NREP: variants seen among roughly 807,000 people sequenced by gnomAD.
NREP encodes the protein neuronal regeneration-related protein.
A neutral mutation model predicts 8.6 loss-of-function variants in NREP; 5 were observed. The ratio of observed to expected loss-of-function variants is 0.58; its 90% confidence interval spans 0.30 to 1.22. The LOEUF (loss-of-function observed/expected upper bound fraction) is 1.22. Among genes scored for constraint, NREP ranks in the 50% most tolerant of loss-of-function variants. The pLI is 0.07. For missense variants in NREP, 86 were observed against 82.5 expected (o/e 1.04, Z -0.17); for synonymous variants, 27 against 28.0 (o/e 0.96, Z 0.11).
chr5:111,937,175 T>A (rs1755707612), intron 2 of NREP, among the ~76,000 whole-genome samples: 1 of 152,094 alleles, frequency 6.6e-6, no homozygotes, highest in South Asian at 2.1e-4. Flanking sequence ...CAGTTAAACT[T>A]CAGTACATTC....
chr5:111,970,002 C>A (rs1177103788), intron 2 of NREP, among the ~76,000 whole-genome samples: 1 of 152,186 alleles, frequency 6.6e-6, no homozygotes, highest in Admixed American at 6.5e-5. Flanking sequence ...GGTACAAAAT[C>A]TAATAATAGA....
chr5:111,926,486 G>T (rs1285302893), intron 2 of NREP, among the ~76,000 whole-genome samples: 1 of 152,106 alleles, frequency 6.6e-6, no homozygotes, highest in Non-Finnish European at 1.5e-5. Flanking sequence ...CAGACCATTT[G>T]CCCTTCCATC....
At chr5:111,898,924 G>C (rs571774400) in intron 2 of NREP, among the ~76,000 whole-genome samples, 3 of 152,046 alleles carry the variant, frequency 2.0e-5, no homozygotes, top group East Asian at 1.9e-4. Flanking sequence ...GGCTGGGAGA[G>C]AATAAGGTGA....
At chr5:111,927,017 C>G (rs1465497251) in intron 2 of NREP, among the ~76,000 whole-genome samples, 1 of 151,964 alleles carries the variant, frequency 6.6e-6, no homozygotes, top group Non-Finnish European at 1.5e-5. Flanking sequence ...GCGTGTCTCC[C>G]CTATAGATGG....
intron 2 of NREP, among the ~76,000 whole-genome samples, chr5:111,900,502 T>C (rs1253269399): frequency 2.0e-5 from 3 of 151,830 alleles, no homozygotes; most frequent in Admixed American, 6.6e-5. Flanking sequence ...AAAGGATAAG[T>C]TGATAAACTG....
intron 2 of NREP, among the ~76,000 whole-genome samples, chr5:111,780,840 A>G (rs1469951755): frequency 6.6e-6 from 1 of 152,148 alleles, no homozygotes; most frequent in Non-Finnish European, 1.5e-5. Flanking sequence ...TCTTTTTCCA[A>G]TGTGAAGTTG....
intron 1 of NREP, among the ~76,000 whole-genome samples, chr5:111,976,395 G>C (rs572472936): frequency 8.5e-5 from 13 of 152,086 alleles, no homozygotes; most frequent in Non-Finnish European, 1.5e-4. Context: ...CTTCATCCCA[G>C]GTCTGTTACA....
chr5:111,835,262 T>A (rs1276274590), intron 2 of NREP, among the ~76,000 whole-genome samples: 1 of 152,148 alleles, frequency 6.6e-6, no homozygotes, highest in East Asian at 1.9e-4. Context: ...GCAGTAGCTA[T>A]AAAATAATTA....
chr5:111,741,824 TAC>T lies in NREP; in HGVS notation c.4-6319_4-6318del, dbSNP rs112980817. Among the ~76,000 whole-genome samples the T allele has an allele frequency of 8.5e-3, 623 of 73,446 alleles. 10 individuals are homozygous for T. Among genetic ancestry groups the T allele is most frequent in the South Asian group, 0.064 (155 of 2,410 alleles). The allele number at this position is 73,446 out of a possible 152,430, so 48.2% of individuals were successfully genotyped here. On this transcript the variant is annotated intron_variant, in intron 2 of 3. Coordinates refer to ENST00000257435, the MANE Select transcript of NREP (RefSeq NM_004772.4). ...CACTGACCTAATTTAAACACACACA[TAC>T]ACACACACACACACACACACACACA...
At chr5:111,885,055 T>A (rs1754203135) in intron 2 of NREP, among the ~76,000 whole-genome samples, 1 of 152,224 alleles carries the variant, frequency 6.6e-6, no homozygotes, top group South Asian at 2.1e-4. Context: ...GCAGATGACA[T>A]GATTGTATAC....
At chr5:111,937,676 A>G (rs1020347123) in intron 2 of NREP, among the ~76,000 whole-genome samples, 4 of 152,156 alleles carry the variant, frequency 2.6e-5, no homozygotes, top group Middle Eastern at 3.4e-3. Flanking sequence ...CAAAGGAAAA[A>G]TCTGCCCCAA....
chr5:111,832,666 C>T (rs1200297587), intron 2 of NREP, among the ~76,000 whole-genome samples: 1 of 152,114 alleles, frequency 6.6e-6, no homozygotes, highest in Non-Finnish European at 1.5e-5. Context: ...TGGTTCTGAC[C>T]CCAATACAGT....
intron 2 of NREP, among the ~76,000 whole-genome samples, chr5:111,850,553 C>T (rs1270928423): frequency 3.3e-5 from 5 of 151,972 alleles, no homozygotes; most frequent in Non-Finnish European, 5.9e-5. Context: ...CCTTGTCAGC[C>T]CCAAAATCTT....
At chr5:111,819,064 T>G (rs2112922361) in intron 2 of NREP, among the ~76,000 whole-genome samples, 1 of 152,316 alleles carries the variant, frequency 6.6e-6, no homozygotes, top group Non-Finnish European at 1.5e-5. Flanking sequence ...TATTCTTTGA[T>G]TCTCCATTTT....
At chr5:111,886,902 G>A (rs1382597926) in intron 2 of NREP, among the ~76,000 whole-genome samples, 1 of 151,686 alleles carries the variant, frequency 6.6e-6, no homozygotes, top group Admixed American at 6.6e-5. Flanking sequence ...CAGCACACCA[G>A]CATGGCACAT....
Position 111,755,798 on chromosome 5 carries a change from T to A in NREP, c.-26A>T, listed in dbSNP as rs750893811. 1.9e-6 allele frequency: 3 copies of A among 1,613,776 alleles called. No homozygotes were observed. In the African/African-American group the frequency reaches 4.0e-5, roughly 22 times the overall value. On this transcript the variant is annotated 5_prime_UTR_variant, in exon 2 of 4. Transcript: ENST00000257435. ...TTTGAGAATCTTAGTCTTGGGCTTC[T>A]ATTCTCCCTCTCTTCAGTCCAGGGA...
intron 2 of NREP, among the ~76,000 whole-genome samples, chr5:111,852,984 C>CA (rs1753345643): frequency 6.6e-6 from 1 of 152,110 alleles, no homozygotes; most frequent in Admixed American, 6.6e-5. Flanking sequence ...GAACTTCATA[C>CA]AAAGGGACAT....
At chr5:111,755,023 T>A (rs1408211190) in intron 2 of NREP, among the ~76,000 whole-genome samples, 9 of 150,884 alleles carry the variant, frequency 6.0e-5, no homozygotes, top group Non-Finnish European at 1.2e-4. Context: ...TTTCTATTAT[T>A]TTTTTTAGTT....
upstream of NREP, chr5:111,757,208 C>G (rs1480088642): frequency 1.1e-6 from 1 of 893,336 alleles, no homozygotes; most frequent in Non-Finnish European, 1.3e-6. Context: ...TGAAAAAGGG[C>G]AACATGCTAG....
Sources: allele counts gnomAD v4.1 joint callset (sites outside exome capture counted in the v4.1 genomes callset), GRCh38; gene constraint gnomAD v4.1.1; transcripts MANE v1.5; gene names NCBI Gene and HGNC (gene_info 2026-07-23, HGNC 2026-07-21).